Variants in HDAC8 observed in about 807,000 individuals in gnomAD.
The protein encoded by HDAC8 is histone deacetylase 8.
HDAC8 carries 1 observed loss-of-function variant against 32.2 expected under a neutral mutation model. The ratio of observed to expected loss-of-function variants is 0.03; its 90% CI spans 0.01 to 0.15. The LOEUF is 0.15. Among genes scored for constraint, HDAC8 ranks in the 10% least tolerant of loss-of-function variants. The probability of loss-of-function intolerance (pLI) is 1.00; values close to 1 mark genes in which losing one functional copy is unlikely to be tolerated. For synonymous variants in HDAC8, 108 were observed against 113.9 expected (o/e 0.95, Z 0.33); for missense variants, 117 against 300.0 (o/e 0.39, Z 4.51).
chrX:72,390,764 C>A (rs899433491), intron 9 of HDAC8, among the ~76,000 whole-genome samples: 16 of 111,571 alleles, frequency 1.4e-4, no homozygotes, highest in African/African-American at 3.9e-4. Context: ...GGGAATTTTC[C>A]CAAAGACTGG....
intron 4 of HDAC8, among the ~76,000 whole-genome samples, chrX:72,501,472 C>T (rs1352995118): frequency 9.0e-6 from 1 of 110,504 alleles, no homozygotes; most frequent in African/African-American, 3.3e-5. Flanking sequence ...GGCTGCACAC[C>T]TATCACCATC....
intron 9 of HDAC8, among the ~76,000 whole-genome samples, chrX:72,382,971 A>G (rs1555960250): frequency 8.9e-6 from 1 of 112,318 alleles, no homozygotes; most frequent in Non-Finnish European, 1.9e-5. Context: ...GCTCCCATAG[A>G]TCAATCTTCT....
chrX:72,463,620 C>T (rs1272554243), intron 8 of HDAC8, among the ~76,000 whole-genome samples: 1 of 111,778 alleles, frequency 8.9e-6, no homozygotes, highest in Non-Finnish European at 1.9e-5. Flanking sequence ...TAATATATTT[C>T]TTGCCAGCTT....
At chrX:72,418,810 T>C (rs182214648) in intron 9 of HDAC8, among the ~76,000 whole-genome samples, 1 of 111,736 alleles carries the variant, frequency 8.9e-6, no homozygotes, top group Admixed American at 9.5e-5. Context: ...AATTTTTTTG[T>C]ATATGGTGTG....
intron 7 of HDAC8, among the ~76,000 whole-genome samples, chrX:72,476,878 T>G (rs1257406807): frequency 1.8e-5 from 2 of 111,664 alleles, no homozygotes; most frequent in African/African-American, 6.5e-5. Flanking sequence ...AGTGACTTCC[T>G]GAATAGTATT....
intron 9 of HDAC8, among the ~76,000 whole-genome samples, chrX:72,383,995 T>G (rs1446469446): frequency 9.0e-6 from 1 of 111,405 alleles, no homozygotes; most frequent in Non-Finnish European, 1.9e-5. Flanking sequence ...AACTCAATTG[T>G]TCATTTCTTC....
chrX:72,494,092 T>A (rs1360449768), intron 5 of HDAC8, among the ~76,000 whole-genome samples: 1 of 111,904 alleles, frequency 8.9e-6, no homozygotes, highest in Non-Finnish European at 1.9e-5. Context: ...TCTGAAGGCT[T>A]TTGAGCAAGG....
intron 9 of HDAC8, among the ~76,000 whole-genome samples, chrX:72,414,312 A>G (rs185865395): frequency 8.9e-6 from 1 of 112,071 alleles, no homozygotes; most frequent in African/African-American, 3.2e-5. Context: ...TATTGTCAGT[A>G]TGTTGAAAAA....
intron 4 of HDAC8, among the ~76,000 whole-genome samples, chrX:72,502,833 G>A (rs1434522786): frequency 1.8e-5 from 2 of 110,678 alleles, no homozygotes; most frequent in Admixed American, 1.9e-4. Context: ...GGCTGAGGCA[G>A]GAGAATCGCT....
rs988322629 is a variant in HDAC8, at chrX:72,521,389, T to A, written c.438-26121A>T. On this transcript the variant is annotated intron_variant, in intron 4 of 10. Transcript: ENST00000373573. ...CTTTAAAAATTATATATTTCTTAGG[T>A]TGGTCTACAGAAAAGGCAAGCAATG... is the stretch of plus-strand genomic sequence containing the variant. Among the ~76,000 whole-genome samples, 12 of 111,393 alleles carry A rather than the reference T, an allele frequency of 1.1e-4. No individual in the cohort carries two copies. In the South Asian group the frequency reaches 3.1e-3, roughly 29 times the overall value.
At chrX:72,512,559 C>A (rs566526120) in intron 4 of HDAC8, among the ~76,000 whole-genome samples, 2 of 111,759 alleles carry the variant, frequency 1.8e-5, no homozygotes, top group South Asian at 7.6e-4. Flanking sequence ...CTTATGATCT[C>A]ATGTAGTCTC....
chrX:72,523,878 C>A (rs191390053), intron 4 of HDAC8, among the ~76,000 whole-genome samples: 7 of 111,532 alleles, frequency 6.3e-5, no homozygotes, highest in Non-Finnish European at 9.4e-5. Context: ...TCCAAGGTCA[C>A]AAAGTTAGTA....
chrX:72,407,437 T>C (rs1430736292), intron 9 of HDAC8, among the ~76,000 whole-genome samples: 3 of 112,271 alleles, frequency 2.7e-5, no homozygotes, highest in Non-Finnish European at 5.6e-5. Context: ...TCCCCTTTTT[T>C]TCCCTTTTGC....
At chrX:72,562,395 T>C (rs1333848777) in intron 4 of HDAC8, among the ~76,000 whole-genome samples, 2 of 112,240 alleles carry the variant, frequency 1.8e-5, no homozygotes, top group Non-Finnish European at 3.8e-5. Flanking sequence ...ATGGATGGAA[T>C]TGGAGACTAT....
intron 7 of HDAC8, among the ~76,000 whole-genome samples, chrX:72,477,046 C>T (rs782260184): frequency 8.9e-6 from 1 of 112,028 alleles, no homozygotes; most frequent in South Asian, 3.8e-4. Context: ...AAGTGCCTTT[C>T]TGTTATATAG....
At chrX:72,420,041 A>G (rs1426796791) in intron 9 of HDAC8, among the ~76,000 whole-genome samples, 4 of 111,791 alleles carry the variant, frequency 3.6e-5, no homozygotes, top group Non-Finnish European at 5.7e-5. Context: ...GTCTATATTC[A>G]TAAGATACAT....
At chrX:72,428,384 G>A (rs1158542467) in intron 9 of HDAC8, among the ~76,000 whole-genome samples, 1 of 112,325 alleles carries the variant, frequency 8.9e-6, no homozygotes, top group Non-Finnish European at 1.9e-5. Flanking sequence ...GAGCCACCGC[G>A]CCCTGCCGAT....
At chrX:72,416,408 GTTTTTTTTTTTTTTTTTTT>G (rs549411405) in intron 9 of HDAC8, among the ~76,000 whole-genome samples, 30 of 3,694 alleles carry the variant, frequency 8.1e-3, no homozygotes, top group African/African-American at 0.014. Context: ...TGTCTTCTCT[GTTTTTTTTTTTTTTTTTTT>G]TTTTTTTTTT....
At chrX:72,503,690 G>T (rs1217403624) in intron 4 of HDAC8, among the ~76,000 whole-genome samples, 2 of 111,815 alleles carry the variant, frequency 1.8e-5, no homozygotes, top group Non-Finnish European at 3.8e-5. Context: ...AAATCTGTCT[G>T]CCCTTCTTAC....
Sources: gnomAD v4.1 joint callset for allele counts (sites outside exome capture counted in the v4.1 genomes callset) on GRCh38, gnomAD v4.1.1 for gene constraint, MANE v1.5 for transcripts, NCBI Gene and HGNC (gene_info 2026-07-23, HGNC 2026-07-21) for gene names.